CFAP54: variants seen among roughly 807,000 people sequenced by gnomAD.
CFAP54 encodes cilia- and flagella-associated protein 54.
CFAP54 carries 290 observed loss-of-function variants against 370.4 expected under a neutral mutation model. The ratio of observed to expected loss-of-function variants is 0.78; its 90% CI spans 0.71 to 0.86. CFAP54 has a LOEUF of 0.86. Among genes scored for constraint, CFAP54 ranks in the 40% least tolerant of loss-of-function variants. CFAP54 has a pLI of 0.00. For missense variants in CFAP54, 3,399 were observed against 3,528.7 expected (o/e 0.96, Z 0.93); for synonymous variants, 1,206 against 1,236.5 (o/e 0.98, Z 0.52).
chr12:96,638,205 ATGTGTG>A (rs756775917), intron 32 of CFAP54, among the ~76,000 whole-genome samples: 94 of 122,642 alleles, frequency 7.7e-4, no homozygotes, highest in African/African-American at 2.0e-3. Flanking sequence ...ATATATATGC[ATGTGTG>A]TGTGTGTGTG....
intron 39 of CFAP54, among the ~76,000 whole-genome samples, chr12:96,672,402 A>G (rs1447504019): frequency 6.6e-6 from 1 of 152,180 alleles, no homozygotes; most frequent in Non-Finnish European, 1.5e-5. Context: ...AGTTTTCTCA[A>G]TGAAGCAAGG....
chr12:96,698,688 G>A (rs1171454214), intron 45 of CFAP54, among the ~76,000 whole-genome samples: 3 of 152,150 alleles, frequency 2.0e-5, no homozygotes, highest in Non-Finnish European at 4.4e-5. Context: ...AGGGTGCAGG[G>A]TGAGAGGAGG....
Position 96,515,052 on chromosome 12 carries a change from AG to A in CFAP54, c.798+2010del, listed in dbSNP as rs1295098845. 3.4e-5 allele frequency among the ~76,000 whole-genome samples: 5 copies of A among 146,844 alleles called. No homozygotes were observed. In the East Asian group the frequency reaches 9.9e-4, roughly 29 times the overall value. ...GAGACTGAGTGTTGCTCTGTTGCCC[AG>A]GCTGGGTGCAGTGGCGCCGTCTTAG... On this transcript the variant is annotated intron_variant, in intron 5 of 67. Transcript: ENST00000524981.
intron 65 of CFAP54, among the ~76,000 whole-genome samples, chr12:96,826,568 TAA>T (rs1959107969): frequency 9.7e-6 from 1 of 103,208 alleles, no homozygotes; most frequent in African/African-American, 4.0e-5. Flanking sequence ...ATATAATATA[TAA>T]TATAGATTAT....
At chr12:96,732,082 A>C (rs12818731) in intron 50 of CFAP54, among the ~76,000 whole-genome samples, 36,571 of 151,390 alleles carry the variant, frequency 0.24, 4,582 homozygotes, top group South Asian at 0.29. Context: ...GAGATGAACA[A>C]TCTTCTGTTA....
At chr12:96,826,330 A>G (rs966656255) in intron 65 of CFAP54, among the ~76,000 whole-genome samples, 15 of 142,020 alleles carry the variant, frequency 1.1e-4, no homozygotes, top group Admixed American at 1.5e-4. Context: ...TTGAATATAT[A>G]TAGTCTACAA....
At chr12:96,627,042 A>G in intron 30 of CFAP54, 103 bp downstream of exon 30, 2 of 814,694 alleles carry the variant, frequency 2.5e-6, no homozygotes, top group Non-Finnish European at 3.3e-6. Context: ...AGTGGAGTAT[A>G]TACAGTTAAA....
rs759316692 is a variant in CFAP54, at chr12:96,576,692, A to G, written c.2727A>G (p.Pro909=). The change falls in exon 20 of 68, where the codon CCA becomes CCG. Residue 909 remains proline, a synonymous_variant. Coordinates refer to ENST00000524981, the MANE Select transcript of CFAP54 (RefSeq NM_001306084.2). The part of the protein sequence containing the change: ...SKRKKSRVPP[P]PILLSRTHCS... ...GAAAGAAAAGCAGAGTCCCCCCTCC[A>G]CCTATCCTGCTGTCTCGAACTCATT... 9.8e-6 allele frequency: 15 copies of G among 1,535,840 alleles called. No individual in the cohort carries two copies. The South Asian group carries it at 1.7e-4, about 17-fold the overall frequency.
chr12:96,696,098 G>A (rs1336128233), intron 45 of CFAP54, among the ~76,000 whole-genome samples: 1 of 152,192 alleles, frequency 6.6e-6, no homozygotes, highest in Non-Finnish European at 1.5e-5. Context: ...TGGAGCAGGA[G>A]AGAGGAAAAA....
intron 66 of CFAP54, among the ~76,000 whole-genome samples, chr12:96,844,394 G>A (rs955556035): frequency 2.6e-5 from 4 of 152,110 alleles, no homozygotes; most frequent in Middle Eastern, 3.2e-3. Flanking sequence ...AGAAATACAG[G>A]CAGCCTCTAG....
chr12:96,506,114 C>T (rs185362798), intron 3 of CFAP54, among the ~76,000 whole-genome samples: 2,571 of 152,106 alleles, frequency 0.017, 77 homozygotes, highest in African/African-American at 0.058. Flanking sequence ...CCGAGGCAGG[C>T]GGATCACGAG....
At chr12:96,711,532 T>G (rs1441249542) in intron 48 of CFAP54, among the ~76,000 whole-genome samples, 2 of 152,212 alleles carry the variant, frequency 1.3e-5, no homozygotes, top group Non-Finnish European at 2.9e-5. Context: ...GAACCCTGTC[T>G]GCTTAGTTGT....
At chr12:96,752,617 G>C (rs1409360123) in intron 55 of CFAP54, among the ~76,000 whole-genome samples, 1 of 152,100 alleles carries the variant, frequency 6.6e-6, no homozygotes, top group African/African-American at 2.4e-5. Context: ...CAAAGAGAAG[G>C]TGTTCATCTG....
At chr12:96,521,492 G>GCAA (rs1419102322) in intron 6 of CFAP54, among the ~76,000 whole-genome samples, 2 of 148,882 alleles carry the variant, frequency 1.3e-5, no homozygotes, top group African/African-American at 5.0e-5. Context: ...TTTGAGAAGA[G>GCAA]CAACTGAGGA....
chr12:96,489,658 A>T lies in CFAP54; in HGVS notation c.49A>T (p.Thr17Ser). The change falls in exon 1 of 68, where the codon ACC (threonine) becomes TCC (serine). Residue 17 changes from threonine to serine, a missense_variant. Transcript: ENST00000524981. Reference protein sequence around the residue: ...PSSSPSDDSTTSGSLPELPPT... With the variant: ...PSSSPSDDSTSSGSLPELPPT... ...GAGCTCTCCGTCAGACGACTCTACC[A>T]CCTCGGGGTCTCTGCCAGAACTGCC... 1 of 1,534,290 alleles carries T rather than the reference A, an allele frequency of 6.5e-7. No individual in the cohort carries two copies. Among genetic ancestry groups the T allele is most frequent in the Non-Finnish European group, 8.7e-7 (1 of 1,145,722 alleles).
intron 65 of CFAP54, among the ~76,000 whole-genome samples, chr12:96,820,032 A>G (rs1017629995): frequency 5.3e-5 from 8 of 152,078 alleles, no homozygotes; most frequent in African/African-American, 1.7e-4. Flanking sequence ...CATGCCTCCT[A>G]CTTGCCATGG....
chr12:96,667,061 A>C (rs1467769429), intron 39 of CFAP54, among the ~76,000 whole-genome samples: 1 of 152,236 alleles, frequency 6.6e-6, no homozygotes, highest in Admixed American at 6.5e-5. Flanking sequence ...TTAAAGTTCC[A>C]AAATGATTAC....
intron 61 of CFAP54, 54 bp from the exon 62 acceptor site, chr12:96,786,621 A>G: frequency 7.8e-7 from 1 of 1,283,150 alleles, no homozygotes; most frequent in Non-Finnish European, 1.1e-6. Context: ...AGCAATATTG[A>G]GATCATCCCG....
intron 33 of CFAP54, chr12:96,646,120 A>T (rs1441400307): frequency 6.6e-6 from 1 of 152,168 alleles, no homozygotes; most frequent in East Asian, 1.9e-4. Context: ...TAAACTAAAG[A>T]GCTTCTGCAC....
Sources: allele counts gnomAD v4.1 joint callset (sites outside exome capture counted in the v4.1 genomes callset), GRCh38; gene constraint gnomAD v4.1.1; transcripts MANE v1.5; gene names NCBI Gene and HGNC (gene_info 2026-07-23, HGNC 2026-07-21).